CORO1C: variants seen among roughly 807,000 people sequenced by gnomAD.
The protein encoded by CORO1C is coronin-1C.
Under a neutral mutation model 51.2 loss-of-function variants are expected in CORO1C, and 14 were observed. That is an observed-to-expected ratio of 0.27 (90% CI 0.18 to 0.43). CORO1C has a LOEUF of 0.43. Among genes scored for constraint, CORO1C ranks in the 20% least tolerant of loss-of-function variants. CORO1C has a pLI of 1.00. For missense variants in CORO1C, 417 were observed against 607.8 expected (o/e 0.69, Z 3.30); for synonymous variants, 181 against 210.5 (o/e 0.86, Z 1.21).
Position 108,718,612 on chromosome 12 carries a change from T to C in CORO1C, c.-6+12817A>G, listed in dbSNP as rs575491200. Among the ~76,000 whole-genome samples, 11 of 152,260 alleles carry C rather than the reference T, an allele frequency of 7.2e-5. No individual in the cohort carries two copies. The East Asian group carries it at 1.9e-3, about 27-fold the overall frequency. On this transcript the variant is annotated intron_variant, in intron 1 of 10. Transcript: ENST00000261401. The stretch of plus-strand genomic sequence containing the variant: ...ACTGTTTAAAATAAAAATCTCCCTA[T>C]GTTTCTGGAATTTTCAGACATCCTA...
At chr12:108,657,247 C>T (rs2033066282) in intron 6 of CORO1C, 57 bp downstream of exon 6, 15 of 1,584,488 alleles carry the variant, frequency 9.5e-6, no homozygotes, top group South Asian at 1.1e-5. Context: ...GGAAGACCTG[C>T]TCAGAACAGA....
chr12:108,712,410 G>C (rs774193093), intron 1 of CORO1C, among the ~76,000 whole-genome samples: 3 of 151,438 alleles, frequency 2.0e-5, no homozygotes, highest in Non-Finnish European at 4.4e-5. Flanking sequence ...TCCATCTCTA[G>C]TAAAATACAA....
intron 3 of CORO1C, 62 bp downstream of exon 3, chr12:108,678,210 G>A: frequency 2.0e-6 from 3 of 1,528,516 alleles, no homozygotes; most frequent in Non-Finnish European, 2.7e-6. Context: ...CCACACACAT[G>A]CTTTTGAAAG....
chr12:108,692,846 G>T (rs2136853980), intron 2 of CORO1C, among the ~76,000 whole-genome samples: 1 of 126,588 alleles, frequency 7.9e-6, no homozygotes, highest in Non-Finnish European at 1.5e-5. Context: ...CGCCCAGGCT[G>T]GAGTGCAATG....
intron 10 of CORO1C, 59 bp downstream of exon 10, chr12:108,648,546 G>T: frequency 1.9e-6 from 3 of 1,606,824 alleles, no homozygotes; most frequent in Non-Finnish European, 2.6e-6. Context: ...GACCACAAGG[G>T]CTTTCTAGAG....
At chr12:108,696,864 T>G (rs1441137841) in intron 2 of CORO1C, among the ~76,000 whole-genome samples, 1 of 152,200 alleles carries the variant, frequency 6.6e-6, no homozygotes, top group African/African-American at 2.4e-5. Context: ...TCTATATTCC[T>G]CCGGCAGTGA....
intron 1 of CORO1C, among the ~76,000 whole-genome samples, chr12:108,704,234 T>G (rs2034962227): frequency 6.6e-6 from 1 of 152,162 alleles, no homozygotes; most frequent in Non-Finnish European, 1.5e-5. Flanking sequence ...TCCCAGCACT[T>G]TGGGAAGCTG....
intron 1 of CORO1C, among the ~76,000 whole-genome samples, chr12:108,710,335 T>A (rs967348942): frequency 6.6e-6 from 1 of 152,190 alleles, no homozygotes; most frequent in Non-Finnish European, 1.5e-5. Flanking sequence ...GCTCTGCCTA[T>A]GGAGTAATCA....
intron 1 of CORO1C, among the ~76,000 whole-genome samples, chr12:108,709,206 T>A (rs1167631266): frequency 1.3e-5 from 2 of 152,042 alleles, no homozygotes; most frequent in South Asian, 2.1e-4. Context: ...AACTGTTTTT[T>A]TAAAAAAACT....
chr12:108,659,325 G>A (rs2033157566), intron 4 of CORO1C, among the ~76,000 whole-genome samples: 1 of 152,188 alleles, frequency 6.6e-6, no homozygotes, highest in Non-Finnish European at 1.5e-5. Context: ...TCAGGGTGTT[G>A]CTGCCAGCTT....
rs541947854 is a variant in CORO1C at position 108,653,578 on chromosome 12, G to GA, written c.855+727dup. On this transcript the variant is annotated intron_variant, in intron 7 of 10. Transcript: ENST00000261401. ...GTTCTAAGGGAAATTGAGCCTACAA[G>GA]AAAAAAAAGGGAACTATAAGGTTCC... is the stretch of plus-strand genomic sequence containing the variant. 2.8e-4 allele frequency among the ~76,000 whole-genome samples: 42 copies of GA among 151,284 alleles called. No homozygotes were observed. In the South Asian group the frequency reaches 6.0e-3, roughly 22 times the overall value.
Position 108,668,882 on chromosome 12 carries a change from T to C in CORO1C, c.319-6724A>G, listed in dbSNP as rs959779304. On this transcript the variant is annotated intron_variant, in intron 3 of 10. Coordinates refer to ENST00000261401, the MANE Select transcript of CORO1C (RefSeq NM_014325.4). Reference sequence around the variant, plus strand: ...ACTATTATTTTCTTGGAGCTAATATTTCCCCCAAGTAAAATACTTAGGTAG... The same window carrying C: ...ACTATTATTTTCTTGGAGCTAATATCTCCCCCAAGTAAAATACTTAGGTAG... Among the ~76,000 whole-genome samples, 9 of 152,356 alleles carry C rather than the reference T, an allele frequency of 5.9e-5. No homozygotes were observed. In the East Asian group the frequency reaches 9.6e-4, roughly 16 times the overall value.
At chr12:108,675,494 A>G (rs551377274) in intron 3 of CORO1C, among the ~76,000 whole-genome samples, 10 of 151,448 alleles carry the variant, frequency 6.6e-5, no homozygotes, top group African/African-American at 1.5e-4. Context: ...AGGAACGGGG[A>G]AAAAAAAACC....
intron 1 of CORO1C, among the ~76,000 whole-genome samples, chr12:108,728,559 C>A (rs1026876000): frequency 1.3e-5 from 2 of 152,064 alleles, no homozygotes; most frequent in African/African-American, 4.8e-5. Context: ...ATACCAAAAA[C>A]CACAGAACTG....
intron 1 of CORO1C, chr12:108,730,107 C>CA (rs1441201910): frequency 6.6e-6 from 1 of 152,248 alleles, no homozygotes; most frequent in Admixed American, 6.5e-5. Context: ...CAATTCTTTT[C>CA]AAATGTCTTA....
chr12:108,659,387 A>AT (rs1287055677), intron 4 of CORO1C, among the ~76,000 whole-genome samples: 5 of 152,178 alleles, frequency 3.3e-5, no homozygotes, highest in Admixed American at 6.5e-5. Flanking sequence ...GAAAACTTTG[A>AT]TTTTCCCCTG....
At chr12:108,730,774 T>C in intron 1 of CORO1C, 1 of 119,412 alleles carries the variant, frequency 8.4e-6, no homozygotes, top group Non-Finnish European at 1.7e-5. Context: ...CCCACATTAC[T>C]CCAGCTCCAG....
intron 1 of CORO1C, among the ~76,000 whole-genome samples, chr12:108,725,078 G>C (rs1418634101): frequency 1.3e-5 from 2 of 152,152 alleles, no homozygotes; most frequent in Non-Finnish European, 2.9e-5. Flanking sequence ...CACAGACAGA[G>C]AGACTGAATA....
intron 1 of CORO1C, among the ~76,000 whole-genome samples, chr12:108,717,578 A>G (rs2035369570): frequency 6.6e-6 from 1 of 152,202 alleles, no homozygotes; most frequent in Admixed American, 6.5e-5. Context: ...GATGGAGCCA[A>G]AAGACTTGAA....
Sources: gnomAD v4.1 joint callset for allele counts (sites outside exome capture counted in the v4.1 genomes callset) on GRCh38, gnomAD v4.1.1 for gene constraint, MANE v1.5 for transcripts, NCBI Gene and HGNC (gene_info 2026-07-23, HGNC 2026-07-21) for gene names.